Variants in ZBTB7B observed in about 807,000 individuals in gnomAD.
ZBTB7B encodes the protein zinc finger and BTB domain containing 7B.
ZBTB7B carries 8 observed loss-of-function variants against 31.0 expected under a neutral mutation model. The ratio of observed to expected loss-of-function variants is 0.26; its 90% CI spans 0.15 to 0.47. ZBTB7B has a LOEUF of 0.47. ZBTB7B is among the 20% of genes least tolerant of loss of function. The pLI, the probability that ZBTB7B is intolerant of heterozygous loss-of-function variation, is 0.99. For missense variants in ZBTB7B, 494 were observed against 742.4 expected (o/e 0.67, Z 3.89); for synonymous variants, 261 against 307.3 (o/e 0.85, Z 1.58).
Position 155,004,511 on chromosome 1 carries a change from A to C in ZBTB7B, c.-7+1568A>C, listed in dbSNP as rs1658440263. Among the ~76,000 whole-genome samples, 1 of 152,004 alleles carries C rather than the reference A, an allele frequency of 6.6e-6. No homozygotes were observed. The highest frequency in any genetic ancestry group is 2.4e-5 in the African/African-American group (1 of 41,360). ...CCCACACACACCAACTGGTTTGGTC[A>C]CCCCTGTACCCGCCTGGCACTGCTG... On this transcript the variant is annotated intron_variant, in intron 1 of 2. Transcript: ENST00000535420. This position sits in a 1 kb window ranked among gnomAD's most constrained non-coding sequence, Gnocchi z 4.0.
Position 155,015,444 on chromosome 1 carries a change from T to G in ZBTB7B, c.784T>G (p.Ser262Ala). The G allele has an allele frequency of 6.3e-7, 1 of 1,579,690 alleles. No individual in the cohort carries two copies. Among genetic ancestry groups the G allele is most frequent in the Non-Finnish European group, 8.6e-7 (1 of 1,160,694 alleles). ...DSYSPPTGTA[S>A]PPEGPQSYEP... ...CTACAGCCCTCCCACAGGAACTGCCTCCCCTCCTGAGGGTCCCCAGAGCTA... is the reference window on the plus strand; with the variant it reads ...CTACAGCCCTCCCACAGGAACTGCCGCCCCTCCTGAGGGTCCCCAGAGCTA... The change falls in exon 2 of 3, where the codon TCC becomes GCC. Residue 262 changes from serine to alanine, a missense_variant. Coordinates refer to ENST00000535420, the MANE Select transcript of ZBTB7B (RefSeq NM_001256455.2).
In ZBTB7B at chr1:155,016,207, C is replaced by A. The variant is rs779857132; in HGVS notation, c.1155-13C>A. ...CTGAACACCTCCCTGCCCCTCACCC[C>A]TGCCTGTGCCAGGAACGACAAGCTG... On this transcript the variant is annotated splice_polypyrimidine_tract_variant and intron_variant, in intron 2 of 2. Transcript: ENST00000535420. This position sits in a 1 kb window ranked among gnomAD's most constrained non-coding sequence, Gnocchi z 4.3. 3.1e-6 allele frequency: 5 copies of A among 1,610,514 alleles called. No homozygotes were observed. The African/African-American group carries it at 6.7e-5, about 22-fold the overall frequency.
chr1:155,013,793 C>T (rs1216229692), intron 1 of ZBTB7B, among the ~76,000 whole-genome samples: 1 of 150,918 alleles, frequency 6.6e-6, no homozygotes, highest in Non-Finnish European at 1.5e-5. Context: ...AGGAAGCACC[C>T]GCGCCAGCCA....
intron 1 of ZBTB7B, among the ~76,000 whole-genome samples, chr1:155,006,829 G>A (rs537844230): frequency 1.4e-4 from 21 of 151,948 alleles, no homozygotes; most frequent in Non-Finnish European, 2.9e-4. Context: ...TGGGAGCAGG[G>A]GTCCTCTTTC....
intron 1 of ZBTB7B, among the ~76,000 whole-genome samples, chr1:155,006,423 C>G (rs1344533690): frequency 6.6e-6 from 1 of 152,222 alleles, no homozygotes; most frequent in Admixed American, 6.5e-5. Flanking sequence ...CAAACCCCTT[C>G]CTTTGCCTGC....
In ZBTB7B at chr1:155,015,827, G is replaced by A; in HGVS notation, c.1154+13G>A. ...TTCGATTCACCAGGTGAGCAGCAAG[G>A]GGGGAAGGGCCCGGCAGGGGCCATG... On this transcript the variant is annotated intron_variant, in intron 2 of 2. Transcript: ENST00000535420. 2 of 1,604,944 alleles carry A rather than the reference G, an allele frequency of 1.2e-6. No individual in the cohort carries two copies. Among genetic ancestry groups the A allele is most frequent in the South Asian group, 1.1e-5 (1 of 90,666 alleles).
In ZBTB7B at chr1:155,014,344, C is replaced by T. The variant is rs960425677; in HGVS notation, c.-6-311C>T. ...TGAAAGGGCCAGAAAGGCAGGGCTC[C>T]TGCTGCCACAGAGGCAGAGTAGAAT... On this transcript the variant is annotated intron_variant, in intron 1 of 2. Transcript: ENST00000535420. 11 of 283,808 alleles carry T rather than the reference C, an allele frequency of 3.9e-5. No individual in the cohort carries two copies. In the Admixed American group the frequency reaches 4.2e-4, roughly 11 times the overall value. The allele number at this position is 283,808 out of a possible 1,614,324, so 17.6% of individuals were successfully genotyped here.
rs532316730 is a variant in ZBTB7B, at chr1:155,004,604, G to A, written c.-7+1661G>A. ...GTGGGCATAAGGAGTGTTGTGCTGC[G>A]CTAGAGAGGGACATATGTGTGACTA... is the stretch of plus-strand genomic sequence containing the variant. On this transcript the variant is annotated intron_variant, in intron 1 of 2. Coordinates refer to ENST00000535420, the MANE Select transcript of ZBTB7B (RefSeq NM_001256455.2). This position sits in a 1 kb window ranked among gnomAD's most constrained non-coding sequence, Gnocchi z 4.0. 1.4e-4 allele frequency among the ~76,000 whole-genome samples: 21 copies of A among 152,232 alleles called. No homozygotes were observed. Among genetic ancestry groups the A allele is most frequent in the Admixed American group, 7.8e-4 (12 of 15,302 alleles).
rs1249394627 is a variant in ZBTB7B at position 155,016,197 on chromosome 1, C to T, written c.1155-23C>T. 6.2e-7 allele frequency: 1 copy of T among 1,605,656 alleles called. No homozygotes were observed. The highest frequency in any genetic ancestry group is 1.3e-5 in the African/African-American group (1 of 74,748). ...GGATCCCATCCTGAACACCTCCCTGCCCCTCACCCCTGCCTGTGCCAGGAA... is the reference window on the plus strand; with the variant it reads ...GGATCCCATCCTGAACACCTCCCTGTCCCTCACCCCTGCCTGTGCCAGGAA... On this transcript the variant is annotated intron_variant, in intron 2 of 2. Transcript: ENST00000535420. This position sits in a 1 kb window ranked among gnomAD's most constrained non-coding sequence, Gnocchi z 4.3.
At chr1:155,012,175 G>A (rs1331579804) in intron 1 of ZBTB7B, among the ~76,000 whole-genome samples, 1 of 151,976 alleles carries the variant, frequency 6.6e-6, no homozygotes, top group Non-Finnish European at 1.5e-5. Context: ...AGTGAGGTCA[G>A]CCAATCAGCG....
upstream of ZBTB7B, chr1:155,002,540 C>G (rs1432263419): frequency 1.4e-5 from 1 of 72,566 alleles, no homozygotes; most frequent in Non-Finnish European, 2.7e-5. Context: ...AGGGAGGGGG[C>G]CTGGGGGGGC....
chr1:155,012,208 C>T (rs754043978), intron 1 of ZBTB7B, among the ~76,000 whole-genome samples: 68 of 146,854 alleles, frequency 4.6e-4, no homozygotes, highest in Non-Finnish European at 8.9e-4. Flanking sequence ...CAAGTTGCCA[C>T]GGAGACCGGC....
At chr1:155,009,601 C>T (rs1658810970) in intron 1 of ZBTB7B, among the ~76,000 whole-genome samples, 1 of 152,022 alleles carries the variant, frequency 6.6e-6, no homozygotes, top group Non-Finnish European at 1.5e-5. Context: ...GGTTGTCCCC[C>T]CACCCCCACC....
At chr1:155,007,085 T>C (rs11264294) in intron 1 of ZBTB7B, among the ~76,000 whole-genome samples, 10,328 of 152,290 alleles carry the variant, frequency 0.068, 402 homozygotes, top group Admixed American at 0.11. Flanking sequence ...AAGGTGAAAG[T>C]CAGAACTGGG....
rs1353886411 is a variant in ZBTB7B, at chr1:155,016,347, C to T, written c.1282C>T (p.Arg428Trp). 3.7e-6 allele frequency: 6 copies of T among 1,614,008 alleles called. No individual in the cohort carries two copies. Among genetic ancestry groups the T allele is most frequent in the Non-Finnish European group, 4.2e-6 (5 of 1,180,018 alleles). Residue 428 changes from arginine (R) to tryptophan (W), a missense_variant, in exon 3 of 3, where the codon CGG (arginine) becomes TGG (tryptophan). This residue lies in a region of ZBTB7B where 61 missense variants were observed against 170.0 expected (regional missense o/e 0.36). Transcript: ENST00000535420. This position sits in a 1 kb window ranked among gnomAD's most constrained non-coding sequence, Gnocchi z 4.3. ...KNHMHLHTGD[R>W]PYECHLCHKA... is the part of the protein sequence containing the mutation. The stretch of plus-strand genomic sequence containing the variant: ...CCACATGCACCTGCACACAGGGGAC[C>T]GGCCCTATGAGTGCCACCTGTGCCA...
chr1:155,017,794 C>A lies in ZBTB7B; in HGVS notation c.*1109C>A, dbSNP rs879174231. 1 of 152,336 alleles carries A rather than the reference C, an allele frequency of 6.6e-6. No individual in the cohort carries two copies. The highest frequency in any genetic ancestry group is 2.4e-5 in the African/African-American group (1 of 41,472). The allele number at this position is 152,336 out of a possible 1,614,324, so 9.4% of individuals were successfully genotyped here. A position where few individuals can be genotyped will look rare whatever the true frequency, so the allele number is the denominator to read the frequency against. ...AAGGCAGTGGGCACAGAACTTCTCG[C>A]TTGGCCGCAGGGGAAGGGGCTGCGG... On this transcript the variant is annotated 3_prime_UTR_variant, in exon 3 of 3. Transcript: ENST00000535420.
intron 1 of ZBTB7B, among the ~76,000 whole-genome samples, chr1:155,013,559 T>A (rs576765733): frequency 2.6e-5 from 4 of 152,220 alleles, no homozygotes; most frequent in Non-Finnish European, 4.4e-5. Context: ...TCTGCCAGCC[T>A]TGGTGCTCTG....
chr1:155,016,769 G>C lies in ZBTB7B; in HGVS notation c.*84G>C. On this transcript the variant is annotated 3_prime_UTR_variant, in exon 3 of 3. Transcript: ENST00000535420. This position sits in a 1 kb window ranked among gnomAD's most constrained non-coding sequence, Gnocchi z 4.3. The stretch of plus-strand genomic sequence containing the variant: ...GGGAGCACGCAGGACAGACACAGCA[G>C]GGGTCTGGGGCACGGAGCCTTGCTG... 2.6e-6 allele frequency: 2 copies of C among 772,500 alleles called. No individual in the cohort carries two copies. The highest frequency in any genetic ancestry group is 3.8e-5 in the South Asian group (2 of 53,096). 47.9% of individuals were successfully genotyped at this position (772,500 alleles called of 1,614,324 possible). A position where few individuals can be genotyped will look rare whatever the true frequency, so the allele number is the denominator to read the frequency against.
chr1:155,006,742 C>G (rs1188791804), intron 1 of ZBTB7B, among the ~76,000 whole-genome samples: 2 of 152,174 alleles, frequency 1.3e-5, no homozygotes, highest in Non-Finnish European at 2.9e-5. Context: ...CACCGTCCCC[C>G]CAACTCCTCC....
Sources: gnomAD v4.1 joint callset for allele counts (sites outside exome capture counted in the v4.1 genomes callset) on GRCh38, gnomAD v4.1.1 for gene constraint, gnomAD v4.1.1 regional missense constraint, Gnocchi (gnomAD v3.1) non-coding constraint, MANE v1.5 for transcripts, NCBI Gene and HGNC (gene_info 2026-07-23, HGNC 2026-07-21) for gene names.